LRRFIP2: variants seen among roughly 807,000 people sequenced by gnomAD.
LRRFIP2 encodes LRR binding FLII interacting protein 2.
Under a neutral mutation model 125.9 loss-of-function variants are expected in LRRFIP2, and 109 were observed. The observed-to-expected ratio is 0.87, with a 90% CI of 0.74 to 1.01. The LOEUF (loss-of-function observed/expected upper bound fraction) is 1.01. LRRFIP2 is among the 50% of genes least tolerant of loss of function. The probability of loss-of-function intolerance (pLI) is 0.00; values close to 1 mark genes in which losing one functional copy is unlikely to be tolerated. For missense variants in LRRFIP2, 850 were observed against 862.3 expected, an observed-to-expected ratio of 0.99 and a Z score of 0.18; for synonymous variants, 291 against 293.1, an observed-to-expected ratio of 0.99 and a Z score of 0.07.
At chr3:37,065,404 C>A (rs982814168) in intron 23 of LRRFIP2, 5 of 354,464 alleles carry the variant, frequency 1.4e-5, no homozygotes, top group Non-Finnish European at 2.8e-5. Context: ...GGTACAGAAC[C>A]CTGGGGTAAG....
chr3:37,147,593 A>G (rs1435538275), intron 2 of LRRFIP2, among the ~76,000 whole-genome samples: 1 of 152,334 alleles, frequency 6.6e-6, no homozygotes, highest in East Asian at 1.9e-4. Flanking sequence ...AGCTTCCAAA[A>G]GGAAAATCAT....
intron 4 of LRRFIP2, among the ~76,000 whole-genome samples, chr3:37,126,109 A>C (rs1351856895): frequency 6.6e-6 from 1 of 152,014 alleles, no homozygotes; most frequent in East Asian, 1.9e-4. Flanking sequence ...GCTTACTGCA[A>C]CCTCCACCTC....
chr3:37,095,277 A>G (rs540503200), intron 16 of LRRFIP2, among the ~76,000 whole-genome samples: 1 of 152,346 alleles, frequency 6.6e-6, no homozygotes, highest in South Asian at 2.1e-4. Context: ...CTGATATGCT[A>G]ATCAGCACTT....
intron 7 of LRRFIP2, 86 bp downstream of exon 7, chr3:37,114,968 G>A (rs914502979): frequency 1.9e-6 from 2 of 1,059,106 alleles, no homozygotes; most frequent in African/African-American, 1.6e-5. Flanking sequence ...ACAAAGCCAT[G>A]AAAGTTAGTC....
intron 1 of LRRFIP2, among the ~76,000 whole-genome samples, chr3:37,168,866 A>T (rs1169454609): frequency 6.6e-6 from 1 of 152,162 alleles, no homozygotes; most frequent in Non-Finnish European, 1.5e-5. Flanking sequence ...TACAGCCTAG[A>T]ACTCCTGATC....
Position 37,106,836 on chromosome 3 carries a change from A to G in LRRFIP2, c.714+1237T>C, listed in dbSNP as rs542167889. On this transcript the variant is annotated intron_variant, in intron 13 of 27. Coordinates refer to ENST00000336686, the MANE Select transcript of LRRFIP2 (RefSeq NM_006309.4). ...GTACACAAAAATATACTTGGATAAG[A>G]ATGGTCATTGTATAAGTGTCTATAG... is the stretch of plus-strand genomic sequence containing the variant. Among the ~76,000 whole-genome samples, 36 of 152,308 alleles carry G rather than the reference A, an allele frequency of 2.4e-4. 1 individual carries two copies. In the East Asian group the frequency reaches 6.0e-3, roughly 25 times the overall value.
In LRRFIP2 at chr3:37,086,895, C is replaced by T. The variant is rs532444509; in HGVS notation, c.1108-3089G>A. On this transcript the variant is annotated intron_variant, in intron 18 of 27. Transcript: ENST00000336686. ...TTTTTCTTGGAGACAGGGTCTCACT[C>T]TGTCACCCAGGCTAGACCACTGTGG... 5.3e-5 allele frequency among the ~76,000 whole-genome samples: 8 copies of T among 150,894 alleles called. No homozygotes were observed. The South Asian group carries it at 1.3e-3, about 24-fold the overall frequency.
chr3:37,057,877 C>A (rs1575746966), intron 25 of LRRFIP2, among the ~76,000 whole-genome samples: 1 of 152,222 alleles, frequency 6.6e-6, no homozygotes, highest in East Asian at 1.9e-4. Flanking sequence ...AGTGTGACTG[C>A]AGTGATCATT....
intron 1 of LRRFIP2, among the ~76,000 whole-genome samples, chr3:37,161,443 G>A (rs1190678142): frequency 6.6e-6 from 1 of 152,124 alleles, no homozygotes; most frequent in Non-Finnish European, 1.5e-5. Flanking sequence ...AGTGATAAAA[G>A]CCAGACACAA....
intron 1 of LRRFIP2, among the ~76,000 whole-genome samples, chr3:37,163,116 A>G (rs1278952117): frequency 2.0e-5 from 3 of 152,184 alleles, no homozygotes; most frequent in Non-Finnish European, 4.4e-5. Flanking sequence ...TCCAGACTCA[A>G]TAACAAACTT....
chr3:37,142,566 T>C (rs1378406609), intron 2 of LRRFIP2, among the ~76,000 whole-genome samples: 1 of 152,220 alleles, frequency 6.6e-6, no homozygotes, highest in Non-Finnish European at 1.5e-5. Flanking sequence ...AAATAAAATA[T>C]GCATTTCAAT....
chr3:37,104,347 C>G (rs1226902317), intron 14 of LRRFIP2, among the ~76,000 whole-genome samples: 1 of 152,120 alleles, frequency 6.6e-6, no homozygotes, highest in Middle Eastern at 3.2e-3. Flanking sequence ...AAAGTCCCTG[C>G]CCTTTCCACT....
intron 1 of LRRFIP2, among the ~76,000 whole-genome samples, chr3:37,154,301 T>C (rs1200853322): frequency 1.3e-5 from 2 of 152,222 alleles, no homozygotes; most frequent in Non-Finnish European, 2.9e-5. Flanking sequence ...ATTCTTAACA[T>C]AGCCAGTGGG....
chr3:37,165,573 G>T (rs1174048246), intron 1 of LRRFIP2, among the ~76,000 whole-genome samples: 2 of 151,840 alleles, frequency 1.3e-5, no homozygotes. Flanking sequence ...CCTGACCAGT[G>T]AAACCCTGTC....
intron 2 of LRRFIP2, among the ~76,000 whole-genome samples, chr3:37,139,747 C>CATCA (rs1211309424): frequency 6.6e-6 from 1 of 152,102 alleles, no homozygotes; most frequent in Non-Finnish European, 1.5e-5. Context: ...CTCTCTACTT[C>CATCA]TATTGGTTCA....
chr3:37,076,017 A>G (rs1056619890), intron 19 of LRRFIP2, among the ~76,000 whole-genome samples: 1 of 152,204 alleles, frequency 6.6e-6, no homozygotes, highest in African/African-American at 2.4e-5. Context: ...TTGGAACTAT[A>G]CCTCATACCA....
rs549138060 is a variant in LRRFIP2 at position 37,166,520 on chromosome 3, A to G, written c.-56+8019T>C. ...AAACCCAATTAAAAAGATAAAAGAC[A>G]TAAGTAGACATTTCTTCAAAGAAGA... On this transcript the variant is annotated intron_variant, in intron 1 of 27. Coordinates refer to ENST00000336686, the MANE Select transcript of LRRFIP2 (RefSeq NM_006309.4). 3.3e-3 allele frequency among the ~76,000 whole-genome samples: 504 copies of G among 152,270 alleles called. 7 individuals are homozygous for G. The South Asian group carries it at 0.047, about 14-fold the overall frequency.
Position 37,121,537 on chromosome 3 carries a change from C to G in LRRFIP2, c.286-1G>C. The G allele has an allele frequency of 2.5e-6, 4 of 1,613,934 alleles. No homozygotes were observed. The highest frequency in any genetic ancestry group is 3.4e-6 in the Non-Finnish European group (4 of 1,179,904). The stretch of plus-strand genomic sequence containing the variant: ...GAATGGACAATGCATCCTCAACTCC[C>G]TGATAAAAATGAAAATAAACACAGT... On this transcript the variant is annotated splice_acceptor_variant, in intron 5 of 27. Coordinates refer to ENST00000336686, the MANE Select transcript of LRRFIP2 (RefSeq NM_006309.4). LOFTEE classifies it high-confidence loss of function.
intron 2 of LRRFIP2, among the ~76,000 whole-genome samples, chr3:37,146,264 C>T (rs1354389368): frequency 1.3e-5 from 2 of 152,094 alleles, no homozygotes; most frequent in Admixed American, 6.5e-5. Flanking sequence ...ACTGTAGAGT[C>T]GTATCTACGT....
Sources: gnomAD v4.1 joint callset for allele counts (sites outside exome capture counted in the v4.1 genomes callset) on GRCh38, gnomAD v4.1.1 for gene constraint, MANE v1.5 for transcripts, NCBI Gene and HGNC (gene_info 2026-07-23, HGNC 2026-07-21) for gene names.